Variants in MAPT observed in about 807,000 individuals in gnomAD.
MAPT encodes microtubule-associated protein tau.
In MAPT, 34 loss-of-function variants were observed where a neutral mutation model predicts 67.9. The ratio of observed to expected loss-of-function variants is 0.50; its 90% CI spans 0.38 to 0.67. MAPT has a LOEUF of 0.67. Among genes scored for constraint, MAPT ranks in the 30% least tolerant of loss-of-function variants. The probability of loss-of-function intolerance (pLI) is 0.00; values close to 1 mark genes in which losing one functional copy is unlikely to be tolerated. For synonymous variants in MAPT, 456 were observed against 464.5 expected, an observed-to-expected ratio of 0.98 and a Z score of 0.23; for missense variants, 881 against 1,115.2, an observed-to-expected ratio of 0.79 and a Z score of 2.99.
chr17:46,016,564 G>T (rs1312910988), intron 11 of MAPT, among the ~76,000 whole-genome samples: 1 of 152,010 alleles, frequency 6.6e-6, no homozygotes, highest in East Asian at 1.9e-4. Context: ...GAGGTCAGGA[G>T]ATCAAGACCA....
At chr17:45,959,208 C>T (rs367844377) in intron 1 of MAPT, among the ~76,000 whole-genome samples, 1 of 152,216 alleles carries the variant, frequency 6.6e-6, no homozygotes. Context: ...CTGCCCTCCA[C>T]GTACAGCCTC....
intron 9 of MAPT, among the ~76,000 whole-genome samples, chr17:46,002,081 G>T (rs2075047477): frequency 6.6e-6 from 1 of 152,234 alleles, no homozygotes; most frequent in South Asian, 2.1e-4. Context: ...GCAGCAGAGG[G>T]TGTGTGTTCA....
chr17:45,954,621 T>C (rs1009401547), intron 1 of MAPT, among the ~76,000 whole-genome samples: 7 of 151,850 alleles, frequency 4.6e-5, no homozygotes, highest in African/African-American at 1.7e-4. Flanking sequence ...AGACCTTGTC[T>C]CCAAATAAAT....
intron 1 of MAPT, among the ~76,000 whole-genome samples, chr17:45,947,916 GA>G (rs2068667373): frequency 6.6e-6 from 1 of 151,936 alleles, no homozygotes; most frequent in Admixed American, 6.5e-5. Flanking sequence ...TGGAATAAGC[GA>G]AAAAAATGGA....
At chr17:45,980,799 G>C (rs904171788) in intron 4 of MAPT, among the ~76,000 whole-genome samples, 12 of 152,346 alleles carry the variant, frequency 7.9e-5, no homozygotes, top group African/African-American at 2.9e-4. Context: ...TGTTGGGGCA[G>C]CATAGGGGCA....
Position 46,010,423 on chromosome 17 carries a change from C to T in MAPT, c.2091+21C>T. The T allele has an allele frequency of 6.6e-7, 1 of 1,504,322 alleles. No homozygotes were observed. Among genetic ancestry groups the T allele is most frequent in the Non-Finnish European group, 9.1e-7 (1 of 1,100,434 alleles). The allele number at this position is 1,504,322 out of a possible 1,614,324, so 93.2% of individuals were successfully genotyped here. ...GCAGTGTGAGTACCTTCACACGTCC[C>T]ATGCGCCGTGCTGTGGCTTGAATTA... is the stretch of plus-strand genomic sequence containing the variant. On this transcript the variant is annotated intron_variant, in intron 10 of 12. Transcript: ENST00000262410. This position sits in a 1 kb window ranked among gnomAD's most constrained non-coding sequence, Gnocchi z 4.7.
At chr17:45,984,473 C>T (rs1347513799) in intron 5 of MAPT, among the ~76,000 whole-genome samples, 1 of 152,218 alleles carries the variant, frequency 6.6e-6, no homozygotes, top group Non-Finnish European at 1.5e-5. Context: ...ACAACGCCTC[C>T]CAGGAGGTGC....
chr17:45,959,421 T>C (rs17650818), intron 1 of MAPT, among the ~76,000 whole-genome samples: 21,804 of 152,254 alleles, frequency 0.14, 2,131 homozygotes, highest in Non-Finnish European at 0.22. Context: ...CCACTTGCAC[T>C]GCATCTGAGA....
chr17:45,999,179 A>G lies in MAPT; in HGVS notation c.1998+2515A>G, dbSNP rs1335818974. ...TCCCTTAAATCCAAGTTCAGTTGCC[A>G]TCTCCTCCAGGAAGTCTTCCTGGAT... On this transcript the variant is annotated intron_variant, in intron 9 of 12. Coordinates refer to ENST00000262410, the MANE Select transcript of MAPT (RefSeq NM_001377265.1). 5.4e-6 allele frequency: 8 copies of G among 1,485,596 alleles called. No individual in the cohort carries two copies. In the East Asian group the frequency reaches 1.6e-4, roughly 31 times the overall value. 92.0% of individuals were successfully genotyped at this position (1,485,596 alleles called of 1,614,324 possible).
chr17:45,964,554 T>C (rs1242731782), intron 2 of MAPT, among the ~76,000 whole-genome samples: 1 of 151,694 alleles, frequency 6.6e-6, no homozygotes, highest in Non-Finnish European at 1.5e-5. Context: ...CATAGTGGCA[T>C]GCACCTATAG....
chr17:45,908,355 A>T (rs1454368102), intron 1 of MAPT: 1 of 152,240 alleles, frequency 6.6e-6, no homozygotes, highest in African/African-American at 2.4e-5. Context: ...AAGCCCAGGG[A>T]AGATGACATT....
chr17:45,964,082 T>C (rs1446443129), intron 2 of MAPT, among the ~76,000 whole-genome samples: 1 of 152,074 alleles, frequency 6.6e-6, no homozygotes, highest in South Asian at 2.1e-4. Context: ...CACGTGGTGA[T>C]GGCAAGATGG....
At chr17:45,941,612 C>CTCCCTCCT (rs796738273) in intron 1 of MAPT, among the ~76,000 whole-genome samples, 1 of 110,212 alleles carries the variant, frequency 9.1e-6, no homozygotes, top group African/African-American at 3.7e-5. Flanking sequence ...CCTTCCCTCC[C>CTCCCTCCT]TCCCCCCTTC....
chr17:45,992,263 C>T (rs556681780), intron 8 of MAPT, among the ~76,000 whole-genome samples: 71 of 152,334 alleles, frequency 4.7e-4, no homozygotes, highest in South Asian at 1.2e-3. Flanking sequence ...TAAGTGGCAG[C>T]TCTCGGAGCC....
At chr17:45,918,830 G>A (rs1331609547) in intron 1 of MAPT, among the ~76,000 whole-genome samples, 2 of 152,162 alleles carry the variant, frequency 1.3e-5, no homozygotes, top group Non-Finnish European at 2.9e-5. Context: ...GGCCAAGGCC[G>A]GCGGATCACT....
intron 2 of MAPT, among the ~76,000 whole-genome samples, chr17:45,965,886 G>A (rs1484062307): frequency 6.6e-6 from 1 of 152,206 alleles, no homozygotes; most frequent in African/African-American, 2.4e-5. Context: ...AGCCCGTGAG[G>A]GTGGATGACG....
At chr17:45,960,857 A>T (rs1449453029) in intron 1 of MAPT, among the ~76,000 whole-genome samples, 2 of 134,802 alleles carry the variant, frequency 1.5e-5, no homozygotes, top group African/African-American at 2.7e-5. Context: ...AAAAAAAAAA[A>T]ATTCAGGCCT....
At chr17:45,944,157 C>T (rs1411064346) in intron 1 of MAPT, among the ~76,000 whole-genome samples, 1 of 152,188 alleles carries the variant, frequency 6.6e-6, no homozygotes, top group East Asian at 1.9e-4. Context: ...CAATCACAGC[C>T]ACCCTGTGGG....
At chr17:46,000,780 T>C (rs2074937411) in intron 9 of MAPT, among the ~76,000 whole-genome samples, 2 of 152,124 alleles carry the variant, frequency 1.3e-5, no homozygotes, top group Non-Finnish European at 2.9e-5. Flanking sequence ...GCTCTATCCC[T>C]ATTTGCAGTT....
Sources: allele counts gnomAD v4.1 joint callset (sites outside exome capture counted in the v4.1 genomes callset), GRCh38; gene constraint gnomAD v4.1.1; non-coding constraint Gnocchi (gnomAD v3.1); transcripts MANE v1.5; gene names NCBI Gene and HGNC (gene_info 2026-07-23, HGNC 2026-07-21).